The following ERI3 variants were observed in gnomAD, a reference collection of about 807,000 sequenced individuals.
The protein encoded by ERI3 is ERI1 exoribonuclease family member 3.
In ERI3, 18 loss-of-function variants were observed where a neutral mutation model predicts 44.4. The ratio of observed to expected loss-of-function variants is 0.41; its 90% CI spans 0.28 to 0.60. The LOEUF (loss-of-function observed/expected upper bound fraction) is 0.60, where lower values mean the gene tolerates loss of function less well. ERI3 is among the 20% of genes least tolerant of loss of function. The probability of loss-of-function intolerance (pLI) is 0.36; values close to 1 mark genes in which losing one functional copy is unlikely to be tolerated. For missense variants in ERI3, 294 were observed against 435.5 expected (o/e 0.68, Z 2.89); for synonymous variants, 183 against 164.8 (o/e 1.11, Z -0.84).
At chr1:44,264,313 T>A (rs769932156) in intron 7 of ERI3, among the ~76,000 whole-genome samples, 1 of 152,140 alleles carries the variant, frequency 6.6e-6, no homozygotes, top group Non-Finnish European at 1.5e-5. Flanking sequence ...GAGAGAAGGA[T>A]GGCAGCACCC....
chr1:44,245,850 C>T (rs1644544960), intron 8 of ERI3, among the ~76,000 whole-genome samples: 1 of 152,174 alleles, frequency 6.6e-6, no homozygotes, highest in African/African-American at 2.4e-5. Flanking sequence ...CTGTCCCTAG[C>T]CCCCAGCCAG....
intron 2 of ERI3, among the ~76,000 whole-genome samples, chr1:44,349,037 A>C (rs893372994): frequency 6.6e-6 from 1 of 152,240 alleles, no homozygotes. Context: ...CCCCAGACAG[A>C]CAGGGAGGAA....
chr1:44,338,827 T>C (rs1324727856), intron 3 of ERI3, among the ~76,000 whole-genome samples: 1 of 152,098 alleles, frequency 6.6e-6, no homozygotes, highest in Non-Finnish European at 1.5e-5. Flanking sequence ...AAGCTGAGAC[T>C]AGAGAGAAAC....
intron 6 of ERI3, among the ~76,000 whole-genome samples, chr1:44,303,761 C>T (rs1325841907): frequency 1.3e-5 from 2 of 151,924 alleles, no homozygotes; most frequent in Non-Finnish European, 2.9e-5. Context: ...TGGACTTTAC[C>T]CTTGAGGGCA....
intron 3 of ERI3, among the ~76,000 whole-genome samples, chr1:44,338,018 C>A (rs1646570605): frequency 6.6e-6 from 1 of 152,156 alleles, no homozygotes. Flanking sequence ...CCAATCATTC[C>A]CTCAAAGCAA....
In ERI3 at chr1:44,355,197, G is replaced by T; in HGVS notation, c.-171C>A. On this transcript the variant is annotated 5_prime_UTR_variant, in exon 1 of 9. Transcript: ENST00000372257. ...GGGCCAGCTCCGCCCGCTCCCCACCGCCCGTTCCCGGCCGCCTGAACAGCG... is the reference window on the plus strand; with the variant it reads ...GGGCCAGCTCCGCCCGCTCCCCACCTCCCGTTCCCGGCCGCCTGAACAGCG... The T allele has an allele frequency of 8.4e-7, 1 of 1,197,438 alleles. No individual in the cohort carries two copies. The highest frequency in any genetic ancestry group is 1.0e-6 in the Non-Finnish European group (1 of 965,864). 74.2% of individuals were successfully genotyped at this position (1,197,438 alleles called of 1,614,324 possible). A position where few individuals can be genotyped will look rare whatever the true frequency, so the allele number is the denominator to read the frequency against.
intron 8 of ERI3, among the ~76,000 whole-genome samples, chr1:44,226,891 T>G (rs1644057472): frequency 6.6e-6 from 1 of 152,092 alleles, no homozygotes; most frequent in African/African-American, 2.4e-5. Context: ...GAATTTATTT[T>G]TGTGTGTGGT....
intron 8 of ERI3, among the ~76,000 whole-genome samples, chr1:44,245,461 T>A (rs1412154472): frequency 6.6e-6 from 1 of 152,174 alleles, no homozygotes; most frequent in African/African-American, 2.4e-5. Context: ...CAGCACTGCA[T>A]GAACACTTTC....
intron 1 of ERI3, chr1:44,353,853 TATCA>T: frequency 1.0e-6 from 1 of 985,326 alleles, no homozygotes; most frequent in Non-Finnish European, 1.2e-6. Flanking sequence ...AAGGAAACCT[TATCA>T]ATCACTTCCC....
intron 8 of ERI3, among the ~76,000 whole-genome samples, chr1:44,246,877 T>C (rs1644565610): frequency 6.6e-6 from 1 of 152,150 alleles, no homozygotes; most frequent in Non-Finnish European, 1.5e-5. Flanking sequence ...TTGGTCCTGG[T>C]ATTCTCTCTC....
intron 3 of ERI3, among the ~76,000 whole-genome samples, chr1:44,337,279 C>T (rs879556561): frequency 1.3e-5 from 2 of 152,192 alleles, no homozygotes; most frequent in Non-Finnish European, 2.9e-5. Context: ...AGGGATGAAT[C>T]ATATGTGACA....
intron 6 of ERI3, among the ~76,000 whole-genome samples, chr1:44,305,485 T>C (rs1645813040): frequency 1.3e-5 from 2 of 152,124 alleles, no homozygotes; most frequent in African/African-American, 4.8e-5. Context: ...AAGTGTTGTT[T>C]CTTGAAAAAA....
At chr1:44,309,548 G>T (rs910388139) in intron 5 of ERI3, among the ~76,000 whole-genome samples, 2 of 151,866 alleles carry the variant, frequency 1.3e-5, no homozygotes, top group African/African-American at 4.8e-5. Flanking sequence ...TTTTACAGAA[G>T]ACCCCAGGCA....
At chr1:44,297,897 G>A (rs1006769089) in intron 6 of ERI3, among the ~76,000 whole-genome samples, 1 of 152,202 alleles carries the variant, frequency 6.6e-6, no homozygotes, top group Non-Finnish European at 1.5e-5. Flanking sequence ...CCCTTTCACT[G>A]CCAAGCAGCA....
intron 2 of ERI3, among the ~76,000 whole-genome samples, chr1:44,340,315 T>C (rs1000190341): frequency 1.3e-4 from 20 of 152,130 alleles, no homozygotes. Flanking sequence ...AAAGCAGAAA[T>C]GTTGTCTTTC....
intron 7 of ERI3, among the ~76,000 whole-genome samples, chr1:44,274,107 T>C (rs1281899750): frequency 6.6e-6 from 1 of 152,212 alleles, no homozygotes; most frequent in Non-Finnish European, 1.5e-5. Flanking sequence ...CTCCTGGCCC[T>C]GACAGTAAGG....
intron 8 of ERI3, among the ~76,000 whole-genome samples, chr1:44,222,294 A>G (rs144728268): frequency 6.6e-6 from 1 of 152,274 alleles, no homozygotes; most frequent in Non-Finnish European, 1.5e-5. Flanking sequence ...CAGGATGGGG[A>G]GGGTCCAGAT....
intron 5 of ERI3, among the ~76,000 whole-genome samples, chr1:44,309,181 A>T (rs1382703737): frequency 1.3e-5 from 2 of 152,214 alleles, no homozygotes; most frequent in Non-Finnish European, 2.9e-5. Context: ...TAAAATCAGT[A>T]TACAACAAGA....
rs1261164660 is a variant in ERI3, at chr1:44,241,297, G to T, written c.931+6642C>A. Among the ~76,000 whole-genome samples the T allele has an allele frequency of 6.6e-6, 1 of 152,076 alleles. No individual in the cohort carries two copies. The highest frequency in any genetic ancestry group is 1.5e-5 in the Non-Finnish European group (1 of 68,008). On this transcript the variant is annotated intron_variant, in intron 8 of 8. Coordinates refer to ENST00000372257, the MANE Select transcript of ERI3 (RefSeq NM_024066.3). The surrounding 1 kb of genome is among the most constrained non-coding windows in gnomAD (Gnocchi z 5.6). The stretch of plus-strand genomic sequence containing the variant: ...GGAAAATAAACTGAAATGAAGTCCG[G>T]TTATCTCCCATCTGTGGCTGCTCCT...
Sources: allele counts gnomAD v4.1 joint callset (sites outside exome capture counted in the v4.1 genomes callset), GRCh38; gene constraint gnomAD v4.1.1; non-coding constraint Gnocchi (gnomAD v3.1); transcripts MANE v1.5; gene names NCBI Gene and HGNC (gene_info 2026-07-23, HGNC 2026-07-21).